ITIH5: variants seen among roughly 807,000 people sequenced by gnomAD.
The protein encoded by ITIH5 is inter-alpha-trypsin inhibitor heavy chain 5, also known as inter-alpha-trypsin inhibitor heavy chain H5.
In ITIH5, 65 loss-of-function variants were observed where a neutral mutation model predicts 77.5. The observed-to-expected ratio is 0.84, with a 90% confidence interval of 0.69 to 1.03. The LOEUF (loss-of-function observed/expected upper bound fraction) is 1.03, where lower values mean the gene tolerates loss of function less well. Ranked by LOEUF, ITIH5 falls within the 50% of genes least tolerant of loss-of-function variation. The pLI is 0.00. For missense variants in ITIH5, 1,208 were observed against 1,213.1 expected (o/e 1.00, Z 0.06); for synonymous variants, 525 against 494.3 (o/e 1.06, Z -0.82).
At chr10:7,663,280 C>T (rs192329480) in intron 1 of ITIH5, among the ~76,000 whole-genome samples, 8 of 152,246 alleles carry the variant, frequency 5.3e-5, no homozygotes, top group South Asian at 2.1e-4. Context: ...GACATTACAG[C>T]GGTAGTCAGA....
At chr10:7,661,331 A>G (rs1834273231) in intron 1 of ITIH5, among the ~76,000 whole-genome samples, 1 of 152,206 alleles carries the variant, frequency 6.6e-6, no homozygotes, top group Non-Finnish European at 1.5e-5. Flanking sequence ...AGGGATCTGT[A>G]CAAGGAATTT....
At chr10:7,588,775 C>T (rs1832733340) in intron 7 of ITIH5, among the ~76,000 whole-genome samples, 1 of 152,244 alleles carries the variant, frequency 6.6e-6, no homozygotes, top group South Asian at 2.1e-4. Flanking sequence ...ACTCCCTAGG[C>T]ATATGCGGAG....
chr10:7,564,915 GTA>G (rs57027352), intron 13 of ITIH5, among the ~76,000 whole-genome samples: 138,737 of 144,694 alleles, frequency 0.96, 66,752 homozygotes, highest in East Asian at 1. Context: ...GACTGTGTGT[GTA>G]TATATATATA....
At chr10:7,580,853 C>A (rs1832537631) in intron 8 of ITIH5, among the ~76,000 whole-genome samples, 1 of 152,162 alleles carries the variant, frequency 6.6e-6, no homozygotes, top group Non-Finnish European at 1.5e-5. Flanking sequence ...GCTTCCTGTC[C>A]CTTCAGATCA....
chr10:7,654,857 G>C (rs1181482038), intron 2 of ITIH5, among the ~76,000 whole-genome samples: 1 of 151,524 alleles, frequency 6.6e-6, no homozygotes, highest in Non-Finnish European at 1.5e-5. Flanking sequence ...TGTGAACATG[G>C]AGAAAACATG....
intron 7 of ITIH5, among the ~76,000 whole-genome samples, chr10:7,609,691 A>G (rs770063910): frequency 1.3e-5 from 2 of 152,242 alleles, no homozygotes; most frequent in Non-Finnish European, 2.9e-5. Flanking sequence ...TGGAGAAAGG[A>G]AGACAAGCTT....
At chr10:7,631,791 T>TTA (rs541597529) in intron 5 of ITIH5, among the ~76,000 whole-genome samples, 89 of 141,740 alleles carry the variant, frequency 6.3e-4, no homozygotes, top group African/African-American at 2.3e-3. Flanking sequence ...TTTGTTTAAT[T>TTA]TTTTTTTTTT....
intron 5 of ITIH5, among the ~76,000 whole-genome samples, chr10:7,626,621 T>C (rs1235275027): frequency 6.6e-6 from 1 of 152,166 alleles, no homozygotes; most frequent in Non-Finnish European, 1.5e-5. Context: ...GTGCAGCCCT[T>C]TAATAGGCAG....
chr10:7,571,954 C>T (rs1281990051), intron 11 of ITIH5: 1 of 989,668 alleles, frequency 1.0e-6, no homozygotes, highest in African/African-American at 1.7e-5. Flanking sequence ...TGACAGTTTT[C>T]TGAGAGTTTC....
chr10:7,563,463 T>A, intron 13 of ITIH5, 79 bp from the exon 14 acceptor site: 1 of 1,327,144 alleles, frequency 7.5e-7, no homozygotes. Flanking sequence ...GAGCTATCAG[T>A]GGCAGAAAGG....
At chr10:7,638,127 T>C (rs1833830790) in intron 4 of ITIH5, among the ~76,000 whole-genome samples, 1 of 152,202 alleles carries the variant, frequency 6.6e-6, no homozygotes, top group African/African-American at 2.4e-5. Context: ...GCAAGAATTT[T>C]ATAGCTCAGA....
At chr10:7,588,392 C>T (rs1832725302) in intron 7 of ITIH5, among the ~76,000 whole-genome samples, 1 of 152,184 alleles carries the variant, frequency 6.6e-6, no homozygotes, top group African/African-American at 2.4e-5. Flanking sequence ...TGGTGGCCCA[C>T]CTGTAATCCC....
At chr10:7,666,751 G>T in intron 1 of ITIH5, 52 bp downstream of exon 1, 1 of 1,482,020 alleles carries the variant, frequency 6.7e-7, no homozygotes, top group Non-Finnish European at 9.3e-7. Flanking sequence ...CGGGCCGGCG[G>T]AGGGAAGGGG....
Position 7,666,813 on chromosome 10 carries a change from G to T in ITIH5, c.80C>A (p.Ser27Tyr). Residue 27 changes from serine to tyrosine, a missense_variant, in exon 1 of 14, where the codon TCT becomes TAT. By Grantham distance (144) the Ser-to-Tyr change is moderately radical. Coordinates refer to ENST00000397146, the MANE Select transcript of ITIH5 (RefSeq NM_030569.7). ...CTCGGCTCCACTTACCTGCTCCGAA[G>T]AGTGGCCCCAGCTCTGCGCCTCTTC... ...SQEEAQSWGHSSEQDGLRVPR... is the reference protein window; with the variant it reads ...SQEEAQSWGHYSEQDGLRVPR... 2 of 1,607,918 alleles carry T rather than the reference G, an allele frequency of 1.2e-6. No homozygotes were observed. Among genetic ancestry groups the T allele is most frequent in the South Asian group, 2.2e-5 (2 of 90,474 alleles).
chr10:7,637,007 C>T (rs60417502), intron 5 of ITIH5, among the ~76,000 whole-genome samples: 2,755 of 152,126 alleles, frequency 0.018, 88 homozygotes, highest in African/African-American at 0.063. Flanking sequence ...GCGGAGATCT[C>T]GCCACTGCAC....
chr10:7,622,937 A>C (rs536356151), intron 5 of ITIH5, among the ~76,000 whole-genome samples: 2 of 152,264 alleles, frequency 1.3e-5, no homozygotes, highest in Non-Finnish European at 2.9e-5. Flanking sequence ...AGGTAATGAC[A>C]AAGTACTTTA....
chr10:7,566,074 A>C lies in ITIH5; in HGVS notation c.2483T>G (p.Ile828Ser), dbSNP rs1426564743. The C allele has an allele frequency of 6.2e-7, 1 of 1,614,022 alleles. No homozygotes were observed. Among genetic ancestry groups the C allele is most frequent in the African/African-American group, 1.3e-5 (1 of 74,924 alleles). Reference sequence around the variant, plus strand: ...GCTGGAAAGGCCCTCGCTGTTGGCAATGTAGAAACCCAGGTGGTGTCGCTG... The same window carrying C: ...GCTGGAAAGGCCCTCGCTGTTGGCACTGTAGAAACCCAGGTGGTGTCGCTG... ...PFQRHHLGFYIANSEGLSSNC... is the reference protein window; with the variant it reads ...PFQRHHLGFYSANSEGLSSNC... The change falls in exon 13 of 14, where the codon ATT becomes AGT. Residue 828 changes from isoleucine (I) to serine (S), a missense_variant. Physicochemically the swap from Ile to Ser is moderately radical, Grantham distance 142. Transcript: ENST00000397146.
chr10:7,635,014 G>T (rs1307990527), intron 5 of ITIH5, among the ~76,000 whole-genome samples: 1 of 151,966 alleles, frequency 6.6e-6, no homozygotes, highest in Non-Finnish European at 1.5e-5. Flanking sequence ...GTCCAGGCTG[G>T]TCTCAAACTC....
intron 1 of ITIH5, among the ~76,000 whole-genome samples, chr10:7,663,463 C>G (rs1483329501): frequency 6.6e-6 from 1 of 152,086 alleles, no homozygotes; most frequent in Non-Finnish European, 1.5e-5. Context: ...AACATAAGCT[C>G]CAGGACACCT....
Sources: gnomAD v4.1 joint callset for allele counts (sites outside exome capture counted in the v4.1 genomes callset) on GRCh38, gnomAD v4.1.1 for gene constraint, MANE v1.5 for transcripts, NCBI Gene and HGNC (gene_info 2026-07-23, HGNC 2026-07-21) for gene names.